The following WDR70 variants were observed in gnomAD, a reference collection of about 807,000 sequenced individuals.
The protein encoded by WDR70 is WD repeat-containing protein 70.
A neutral mutation model predicts 88.6 loss-of-function variants in WDR70; 53 were observed. The ratio of observed to expected loss-of-function variants is 0.60; its 90% CI spans 0.48 to 0.75. The LOEUF is 0.75. WDR70 is among the 30% of genes least tolerant of loss of function. The pLI is 0.00. For missense variants in WDR70, 610 were observed against 823.2 expected (o/e 0.74, Z 3.17); for synonymous variants, 280 against 270.0 (o/e 1.04, Z -0.36).
At chr5:37,568,922 C>T (rs889109357) in intron 9 of WDR70, among the ~76,000 whole-genome samples, 6 of 152,108 alleles carry the variant, frequency 3.9e-5, no homozygotes, top group Admixed American at 3.3e-4. Context: ...GAGCTGTGTG[C>T]ATCTCTGCTC....
chr5:37,551,335 C>CA lies in WDR70; in HGVS notation c.917+34753dup, dbSNP rs1189662821. Among the ~76,000 whole-genome samples, 7 of 150,880 alleles carry CA rather than the reference C, an allele frequency of 4.6e-5. No individual in the cohort carries two copies. The East Asian group carries it at 5.9e-4, about 13-fold the overall frequency. ...CTCCGCAAAAAAAAAATTACAACAA[C>CA]AAAAAAAACTAGTGAAGACTGTGCC... On this transcript the variant is annotated intron_variant, in intron 9 of 17. Transcript: ENST00000265107.
chr5:37,635,266 T>C (rs1459135706), intron 10 of WDR70, among the ~76,000 whole-genome samples: 1 of 152,158 alleles, frequency 6.6e-6, no homozygotes, highest in African/African-American at 2.4e-5. Context: ...TTTCTCAGTA[T>C]GTGTGTGGAC....
chr5:37,481,086 G>C (rs971021506), intron 8 of WDR70, among the ~76,000 whole-genome samples: 1 of 152,212 alleles, frequency 6.6e-6, no homozygotes, highest in African/African-American at 2.4e-5. Context: ...TGGGTTCCCA[G>C]GGTCTTGGGC....
chr5:37,716,211 A>G (rs184430294), intron 13 of WDR70, among the ~76,000 whole-genome samples: 76 of 152,324 alleles, frequency 5.0e-4, no homozygotes, highest in African/African-American at 1.7e-3. Context: ...TTTCAACATA[A>G]TCATGTTTAA....
intron 7 of WDR70, among the ~76,000 whole-genome samples, chr5:37,462,376 C>T (rs957544853): frequency 6.6e-6 from 1 of 152,134 alleles, no homozygotes; most frequent in African/African-American, 2.4e-5. Context: ...GATCCTGGCT[C>T]ACTGCAAGCT....
chr5:37,507,118 C>CT (rs371558972), intron 8 of WDR70, among the ~76,000 whole-genome samples: 10 of 150,176 alleles, frequency 6.7e-5, no homozygotes, highest in Admixed American at 2.0e-4. Context: ...TGCTTTCCAA[C>CT]TTTTTTTTTT....
At chr5:37,703,397 A>G (rs910683570) in intron 13 of WDR70, among the ~76,000 whole-genome samples, 25 of 152,336 alleles carry the variant, frequency 1.6e-4, no homozygotes, top group African/African-American at 5.5e-4. Flanking sequence ...GCATCCCACA[A>G]TGGGCATGTT....
chr5:37,406,433 T>C (rs1296625962), intron 5 of WDR70, among the ~76,000 whole-genome samples: 1 of 152,198 alleles, frequency 6.6e-6, no homozygotes, highest in Non-Finnish European at 1.5e-5. Context: ...GATACAGGGA[T>C]GCAATATAGA....
intron 9 of WDR70, among the ~76,000 whole-genome samples, chr5:37,546,647 G>C (rs747997394): frequency 2.0e-5 from 3 of 151,996 alleles, no homozygotes; most frequent in Non-Finnish European, 2.9e-5. Context: ...GACCAGATGC[G>C]GTGGCTCACG....
intron 7 of WDR70, among the ~76,000 whole-genome samples, chr5:37,467,632 G>A (rs1375786064): frequency 6.6e-6 from 1 of 151,716 alleles, no homozygotes; most frequent in Non-Finnish European, 1.5e-5. Context: ...TGCCTCCTGG[G>A]TTCACACCAT....
chr5:37,560,857 G>A (rs1320327653), intron 9 of WDR70, among the ~76,000 whole-genome samples: 1 of 139,036 alleles, frequency 7.2e-6, no homozygotes, highest in African/African-American at 2.7e-5. Context: ...CTGTCACCCA[G>A]ACAGATTGCA....
intron 7 of WDR70, among the ~76,000 whole-genome samples, chr5:37,463,786 C>T (rs1218567108): frequency 1.3e-5 from 2 of 152,284 alleles, no homozygotes; most frequent in Admixed American, 1.3e-4. Flanking sequence ...CTCCTTAGTA[C>T]TGTGTCTAAT....
At chr5:37,589,882 G>A (rs558984313) in intron 9 of WDR70, among the ~76,000 whole-genome samples, 3 of 152,234 alleles carry the variant, frequency 2.0e-5, no homozygotes, top group East Asian at 1.9e-4. Flanking sequence ...GATTACAGAC[G>A]TGAGCCACCG....
chr5:37,672,767 G>T (rs1044890585), intron 10 of WDR70, among the ~76,000 whole-genome samples: 2 of 152,022 alleles, frequency 1.3e-5, no homozygotes, highest in Non-Finnish European at 2.9e-5. Context: ...TATGCTGAGC[G>T]CTGGTCTCCT....
At chr5:37,483,480 G>GAA (rs1739738980) in intron 8 of WDR70, among the ~76,000 whole-genome samples, 1 of 152,216 alleles carries the variant, frequency 6.6e-6, no homozygotes, top group Non-Finnish European at 1.5e-5. Flanking sequence ...AGAACAAAAT[G>GAA]AAGTCTCCCA....
At position 37,752,536 on chromosome 5, in the gene WDR70, C is replaced by G; in HGVS notation, c.1928C>G (p.Ala643Gly). 1 of 1,612,736 alleles carries G rather than the reference C, an allele frequency of 6.2e-7. No individual in the cohort carries two copies. Among genetic ancestry groups the G allele is most frequent in the Non-Finnish European group, 8.5e-7 (1 of 1,179,398 alleles). The part of the protein sequence containing the change: ...FAQVESDDEE[A>G]KNEPEWKKRK... The stretch of plus-strand genomic sequence containing the variant: ...CAAGTTGAATCTGATGATGAGGAAG[C>G]AAAGAATGAGCCAGAATGGAAAAAA... The change falls in exon 18 of 18, where the codon GCA becomes GGA. Residue 643 changes from alanine to glycine, a missense_variant. Transcript: ENST00000265107.
chr5:37,552,439 A>G (rs1742173570), intron 9 of WDR70, among the ~76,000 whole-genome samples: 1 of 152,248 alleles, frequency 6.6e-6, no homozygotes, highest in Admixed American at 6.5e-5. Flanking sequence ...AATACCAGTT[A>G]TCTATGTTAA....
chr5:37,473,004 G>T (rs1420813389), intron 7 of WDR70, among the ~76,000 whole-genome samples: 1 of 151,946 alleles, frequency 6.6e-6, no homozygotes, highest in African/African-American at 2.4e-5. Flanking sequence ...TACCAGTTGT[G>T]TATGAGAATT....
rs535206451 is a variant in WDR70, at chr5:37,646,099, T to G, written c.1092+40861T>G. ...GATTTTCTCTGGTGATATGTTTTAA[T>G]TTTTTGCTTTTTATTTTTTGTGTAT... is the stretch of plus-strand genomic sequence containing the variant. On this transcript the variant is annotated intron_variant, in intron 10 of 17. Coordinates refer to ENST00000265107, the MANE Select transcript of WDR70 (RefSeq NM_018034.4). Among the ~76,000 whole-genome samples, 4 of 152,226 alleles carry G rather than the reference T, an allele frequency of 2.6e-5. No homozygotes were observed. In the South Asian group the frequency reaches 6.2e-4, roughly 24 times the overall value.
Sources: gnomAD v4.1 joint callset for allele counts (sites outside exome capture counted in the v4.1 genomes callset) on GRCh38, gnomAD v4.1.1 for gene constraint, MANE v1.5 for transcripts, NCBI Gene and HGNC (gene_info 2026-07-23, HGNC 2026-07-21) for gene names.